Variants in DPP10 observed in about 807,000 individuals in gnomAD.
DPP10 encodes dipeptidyl peptidase like 10.
In DPP10, 33 loss-of-function variants were observed where a neutral mutation model predicts 120.9. The observed-to-expected ratio is 0.27, with a 90% CI of 0.21 to 0.37. The LOEUF is 0.37. Ranked by LOEUF, DPP10 falls within the 10% of genes least tolerant of loss-of-function variation. DPP10 has a pLI of 1.00. For synonymous variants in DPP10, 337 were observed against 326.1 expected, an observed-to-expected ratio of 1.03 and a Z score of -0.36; for missense variants, 816 against 942.8, an observed-to-expected ratio of 0.87 and a Z score of 1.76.
chr2:114,737,430 G>T (rs779801772), intron 1 of DPP10, among the ~76,000 whole-genome samples: 43 of 152,174 alleles, frequency 2.8e-4, no homozygotes, highest in Non-Finnish European at 5.9e-4. Flanking sequence ...TAACATTTCT[G>T]CAGGAGAGAG....
At chr2:115,195,203 T>C (rs543782285) in intron 1 of DPP10, among the ~76,000 whole-genome samples, 1 of 152,306 alleles carries the variant, frequency 6.6e-6, no homozygotes, top group East Asian at 1.9e-4. Flanking sequence ...TGTGGGTGGC[T>C]TTCAAGATAG....
At chr2:115,420,996 C>T (rs903108575) in intron 3 of DPP10, among the ~76,000 whole-genome samples, 2 of 152,016 alleles carry the variant, frequency 1.3e-5, no homozygotes, top group African/African-American at 4.8e-5. Context: ...CGTAATCTTT[C>T]TCCCTGAAAT....
At chr2:114,832,876 AG>A (rs1687265604) in intron 1 of DPP10, among the ~76,000 whole-genome samples, 1 of 152,184 alleles carries the variant, frequency 6.6e-6, no homozygotes, top group African/African-American at 2.4e-5. Context: ...AAAAAATTTA[AG>A]TACTTTAAAT....
chr2:115,729,885 G>GA (rs1297442876), intron 8 of DPP10, among the ~76,000 whole-genome samples: 1 of 152,052 alleles, frequency 6.6e-6, no homozygotes, highest in Non-Finnish European at 1.5e-5. Flanking sequence ...AATTAGGAAG[G>GA]AAAAATCTAA....
intron 1 of DPP10, among the ~76,000 whole-genome samples, chr2:115,295,896 A>C (rs2060864376): frequency 6.6e-6 from 1 of 152,160 alleles, no homozygotes. Flanking sequence ...TTTTACAATG[A>C]ATAGAATTCT....
At chr2:114,800,281 G>C (rs1042855337) in intron 1 of DPP10, among the ~76,000 whole-genome samples, 1 of 152,266 alleles carries the variant, frequency 6.6e-6, no homozygotes, top group Non-Finnish European at 1.5e-5. Flanking sequence ...TGCTAGTAGA[G>C]GTTGATCAGT....
At chr2:115,722,692 A>C (rs1368968157) in intron 7 of DPP10, among the ~76,000 whole-genome samples, 1 of 152,132 alleles carries the variant, frequency 6.6e-6, no homozygotes, top group Non-Finnish European at 1.5e-5. Context: ...TTAAAATCTC[A>C]TGGACCACCC....
intron 3 of DPP10, among the ~76,000 whole-genome samples, chr2:115,370,429 G>C (rs1392363596): frequency 6.6e-6 from 1 of 152,064 alleles, no homozygotes; most frequent in Admixed American, 6.6e-5. Flanking sequence ...GATTTGTAGA[G>C]AAGTAGAAAA....
chr2:114,631,175 A>G (rs752796372), intron 1 of DPP10, among the ~76,000 whole-genome samples: 3 of 152,152 alleles, frequency 2.0e-5, no homozygotes, highest in Non-Finnish European at 4.4e-5. Context: ...GAAAACCTCA[A>G]CAGAAAGAGA....
At chr2:115,573,019 G>C (rs1207644859) in intron 5 of DPP10, among the ~76,000 whole-genome samples, 3 of 152,108 alleles carry the variant, frequency 2.0e-5, no homozygotes, top group Non-Finnish European at 4.4e-5. Context: ...TCTTGAAAAG[G>C]AACAAACTCC....
chr2:115,149,413 T>A (rs1245968512), intron 1 of DPP10, among the ~76,000 whole-genome samples: 1 of 152,222 alleles, frequency 6.6e-6, no homozygotes, highest in Admixed American at 6.5e-5. Context: ...TATGATAGGT[T>A]TTGTGATAAT....
At chr2:114,709,704 T>C (rs79196269) in intron 1 of DPP10, among the ~76,000 whole-genome samples, 3,048 of 152,270 alleles carry the variant, frequency 0.02, 104 homozygotes, top group African/African-American at 0.069. Flanking sequence ...AGCTGATTGA[T>C]AAAGCAAAAA....
intron 5 of DPP10, among the ~76,000 whole-genome samples, chr2:115,645,566 T>G (rs1366757137): frequency 1.3e-5 from 2 of 152,152 alleles, no homozygotes; most frequent in African/African-American, 4.8e-5. Flanking sequence ...AATAGTAATT[T>G]GCCTGAAATT....
intron 1 of DPP10, among the ~76,000 whole-genome samples, chr2:114,600,096 C>A (rs532686517): frequency 6.6e-6 from 1 of 151,490 alleles, no homozygotes; most frequent in South Asian, 2.1e-4. Context: ...AAGTTTTAAG[C>A]CACCATATCT....
chr2:114,742,626 A>G (rs1224938204), intron 1 of DPP10, among the ~76,000 whole-genome samples: 2 of 152,204 alleles, frequency 1.3e-5, no homozygotes, highest in Non-Finnish European at 2.9e-5. Context: ...CATCTTTTGC[A>G]CCTTGTTTCT....
At chr2:115,562,800 A>G (rs2080769006) in intron 5 of DPP10, among the ~76,000 whole-genome samples, 2 of 152,172 alleles carry the variant, frequency 1.3e-5, no homozygotes, top group South Asian at 4.1e-4. Flanking sequence ...TCTATTGTCT[A>G]CATAAGTTTA....
At chr2:115,161,826 G>A in intron 1 of DPP10, 1 of 367,368 alleles carries the variant, frequency 2.7e-6, no homozygotes, top group South Asian at 5.1e-5. Flanking sequence ...CCGCCCCTCC[G>A]CTCCCCCCAC....
intron 1 of DPP10, among the ~76,000 whole-genome samples, chr2:115,139,544 G>A (rs1374074056): frequency 1.3e-5 from 2 of 151,756 alleles, no homozygotes; most frequent in South Asian, 2.1e-4. Flanking sequence ...AGAAAGATCA[G>A]TTATAAAATG....
At chr2:115,553,356 T>C (rs188684969) in intron 5 of DPP10, among the ~76,000 whole-genome samples, 71 of 147,606 alleles carry the variant, frequency 4.8e-4, no homozygotes, top group Non-Finnish European at 7.4e-4. Context: ...GAAGCCAATG[T>C]AAATTAGATT....
Sources: allele counts gnomAD v4.1 joint callset (sites outside exome capture counted in the v4.1 genomes callset), GRCh38; gene constraint gnomAD v4.1.1; transcripts MANE v1.5; gene names NCBI Gene and HGNC (gene_info 2026-07-23, HGNC 2026-07-21).